KCNJ5: variants seen among roughly 807,000 people sequenced by gnomAD.
KCNJ5 encodes the protein potassium inwardly rectifying channel subfamily J member 5, also known as G protein-activated inward rectifier potassium channel 4.
KCNJ5 carries 12 observed loss-of-function variants against 20.2 expected under a neutral mutation model. The ratio of observed to expected loss-of-function variants is 0.59; its 90% CI spans 0.38 to 0.96. KCNJ5 has a LOEUF of 0.96. Ranked by LOEUF, KCNJ5 falls within the 40% of genes least tolerant of loss-of-function variation. The pLI is 0.00. For synonymous variants in KCNJ5, 210 were observed against 213.9 expected, an observed-to-expected ratio of 0.98 and a Z score of 0.16; for missense variants, 449 against 557.6, an observed-to-expected ratio of 0.81 and a Z score of 1.96.
chr11:128,894,193 T>C (rs1297578148), intron 1 of KCNJ5, among the ~76,000 whole-genome samples: 1 of 152,178 alleles, frequency 6.6e-6, no homozygotes, highest in Admixed American at 6.5e-5. Flanking sequence ...GTTTTTTTTT[T>C]TTTTCTTGTT....
At chr11:128,900,940 G>T (rs1015715621) in intron 1 of KCNJ5, 1 of 152,144 alleles carries the variant, frequency 6.6e-6, no homozygotes, top group Non-Finnish European at 1.5e-5. Flanking sequence ...AATCCAGGGG[G>T]GCCAAGTACA....
In KCNJ5 at chr11:128,911,852, C is replaced by T; in HGVS notation, c.579C>T (p.Pro193=). Residue 193 remains proline (P), a synonymous_variant, in exon 2 of 3, where the codon CCC becomes CCT. Transcript: ENST00000529694. This position sits in a 1 kb window ranked among gnomAD's most constrained non-coding sequence, Gnocchi z 6.3. Reference sequence around the variant, plus strand: ...GCATGTTTGTCAAGATCAGCCAGCCCAAGAAGAGAGCGGAGACCCTCATGT... The same window carrying T: ...GCATGTTTGTCAAGATCAGCCAGCCTAAGAAGAGAGCGGAGACCCTCATGT... ...VGCMFVKISQ[P]KKRAETLMFS... The T allele has an allele frequency of 1.2e-6, 2 of 1,613,924 alleles. No individual in the cohort carries two copies. Among genetic ancestry groups the T allele is most frequent in the Non-Finnish European group, 1.7e-6 (2 of 1,179,828 alleles).
chr11:128,900,540 G>C (rs1196727284), intron 1 of KCNJ5: 1 of 152,246 alleles, frequency 6.6e-6, no homozygotes, highest in Non-Finnish European at 1.5e-5. Flanking sequence ...GCTACCCGAG[G>C]CTCTGCAGGC....
chr11:128,911,189 G>A lies in KCNJ5; in HGVS notation c.-10-75G>A, dbSNP rs1448909421. On this transcript the variant is annotated intron_variant, in intron 1 of 2. Coordinates refer to ENST00000529694, the MANE Select transcript of KCNJ5 (RefSeq NM_000890.5). This position sits in a 1 kb window ranked among gnomAD's most constrained non-coding sequence, Gnocchi z 6.3. ...GAGAAGCCTGGGAGAGCCCCGGGGT[G>A]GGGGTGGCCTTCCATCTTGTGTTCT... is the stretch of plus-strand genomic sequence containing the variant. The A allele has an allele frequency of 7.5e-6, 9 of 1,194,698 alleles. No individual in the cohort carries two copies. Among genetic ancestry groups the A allele is most frequent in the Admixed American group, 1.8e-5 (1 of 56,160 alleles). 74.0% of individuals were successfully genotyped at this position (1,194,698 alleles called of 1,614,324 possible).
At chr11:128,895,696 T>C (rs1301681215) in intron 1 of KCNJ5, among the ~76,000 whole-genome samples, 1 of 152,256 alleles carries the variant, frequency 6.6e-6, no homozygotes, top group Non-Finnish European at 1.5e-5. Flanking sequence ...CGGGCCTGCC[T>C]GCCCTCTGAG....
In KCNJ5 at chr11:128,915,494, G is replaced by A. The variant is rs563822216; in HGVS notation, c.938-915G>A. The stretch of plus-strand genomic sequence containing the variant: ...GTTCATTCATGCTGAATTTATCTTT[G>A]CCCTTTCCTGCCTTTTTTCCCATCT... On this transcript the variant is annotated intron_variant, in intron 2 of 2. Coordinates refer to ENST00000529694, the MANE Select transcript of KCNJ5 (RefSeq NM_000890.5). Among the ~76,000 whole-genome samples the A allele has an allele frequency of 2.0e-4, 31 of 152,268 alleles. 1 individual carries two copies. The highest frequency in any genetic ancestry group is 7.2e-4 in the African/African-American group (30 of 41,546).
At chr11:128,898,132 T>A (rs1443108625) in intron 1 of KCNJ5, among the ~76,000 whole-genome samples, 2 of 152,242 alleles carry the variant, frequency 1.3e-5, no homozygotes, top group Non-Finnish European at 2.9e-5. Context: ...TTTTATCTAT[T>A]CTAGTTGCTT....
At chr11:128,902,830 T>C in intron 1 of KCNJ5, 3 of 1,135,354 alleles carry the variant, frequency 2.6e-6, no homozygotes, top group Non-Finnish European at 3.7e-6. Flanking sequence ...AGAAAAGGCC[T>C]CTCTCCGACT....
intron 1 of KCNJ5, among the ~76,000 whole-genome samples, chr11:128,892,038 T>G (rs1486406131): frequency 6.6e-6 from 1 of 152,072 alleles, no homozygotes; most frequent in Non-Finnish European, 1.5e-5. Flanking sequence ...CAGGAGTGGG[T>G]GGGGTGTGGA....
Position 128,891,967 on chromosome 11 carries a change from G to C in KCNJ5, c.-11+246G>C, listed in dbSNP as rs1474377913. On this transcript the variant is annotated intron_variant, in intron 1 of 2. Coordinates refer to ENST00000529694, the MANE Select transcript of KCNJ5 (RefSeq NM_000890.5). ...ATAAACACCTTCACTTCTGGCACTA[G>C]ACCAGGGCTACCTGGGGGTGCCCCA... is the stretch of plus-strand genomic sequence containing the variant. Among the ~76,000 whole-genome samples the C allele has an allele frequency of 1.4e-4, 22 of 152,254 alleles. 1 individual carries two copies. The highest frequency in any genetic ancestry group is 1.4e-3 in the Admixed American group (22 of 15,286).
intron 2 of KCNJ5, 147 bp from the exon 3 acceptor site, chr11:128,916,261 GA>G: frequency 1.5e-6 from 1 of 679,474 alleles, no homozygotes; most frequent in South Asian, 1.7e-5. Flanking sequence ...TGGATGGATG[GA>G]TGGATGGATG....
intron 1 of KCNJ5, among the ~76,000 whole-genome samples, chr11:128,894,220 G>A (rs1169305386): frequency 6.6e-6 from 1 of 150,942 alleles, no homozygotes; most frequent in Non-Finnish European, 1.5e-5. Flanking sequence ...CCATTCATTT[G>A]GTCACCTATC....
At chr11:128,905,436 G>A (rs905416669) in intron 1 of KCNJ5, 1 of 152,452 alleles carries the variant, frequency 6.6e-6, no homozygotes, top group African/African-American at 2.4e-5. Flanking sequence ...GCTAGACGTT[G>A]TGGCGCTCAG....
In KCNJ5 at chr11:128,911,642, C is replaced by T. The variant is rs1401106736; in HGVS notation, c.369C>T (p.Asp123=). 1 of 1,614,214 alleles carries T rather than the reference C, an allele frequency of 6.2e-7. No homozygotes were observed. The highest frequency in any genetic ancestry group is 1.1e-5 in the South Asian group (1 of 91,084). Residue 123 remains aspartate (D), a synonymous_variant, in exon 2 of 3, where the codon GAC becomes GAT. Coordinates refer to ENST00000529694, the MANE Select transcript of KCNJ5 (RefSeq NM_000890.5). The surrounding 1 kb of genome is among the most constrained non-coding windows in gnomAD (Gnocchi z 6.3). The part of the protein sequence containing the change: ...YIRGDLDHVG[D]QEWIPCVENL... ...GGGGTGACCTGGACCATGTTGGCGA[C>T]CAAGAGTGGATTCCTTGTGTTGAAA...
chr11:128,901,414 G>C (rs181147052), intron 1 of KCNJ5: 38 of 152,452 alleles, frequency 2.5e-4, no homozygotes, highest in African/African-American at 9.1e-4. Flanking sequence ...TTCACTTCCA[G>C]AGCTGTTCTG....
chr11:128,916,323 T>C, intron 2 of KCNJ5, 86 bp from the exon 3 acceptor site: 1 of 1,013,290 alleles, frequency 9.9e-7, no homozygotes, highest in Non-Finnish European at 1.6e-6. Context: ...GATGGATGGA[T>C]GGATGGATTG....
chr11:128,897,254 T>C (rs1471534663), intron 1 of KCNJ5, among the ~76,000 whole-genome samples: 1 of 152,010 alleles, frequency 6.6e-6, no homozygotes, highest in Non-Finnish European at 1.5e-5. Flanking sequence ...CGTGCCACCA[T>C]GCCTGGCTAA....
At chr11:128,900,078 C>G (rs1291527463) in intron 1 of KCNJ5, 3 of 152,174 alleles carry the variant, frequency 2.0e-5, no homozygotes, top group Admixed American at 6.5e-5. Flanking sequence ...ATATTCCATA[C>G]CTTGAATCGG....
intron 1 of KCNJ5, among the ~76,000 whole-genome samples, chr11:128,891,927 G>A (rs1449386182): frequency 6.6e-6 from 1 of 152,214 alleles, no homozygotes; most frequent in Non-Finnish European, 1.5e-5. Flanking sequence ...TGCCCTGTGC[G>A]TTGGGAGCCC....
Sources: allele counts gnomAD v4.1 joint callset (sites outside exome capture counted in the v4.1 genomes callset), GRCh38; gene constraint gnomAD v4.1.1; non-coding constraint Gnocchi (gnomAD v3.1); transcripts MANE v1.5; gene names NCBI Gene and HGNC (gene_info 2026-07-23, HGNC 2026-07-21).